Variants in CHORDC1 observed in about 807,000 individuals in gnomAD.
CHORDC1 encodes the protein cysteine and histidine rich domain containing 1.
A neutral mutation model predicts 48.3 loss-of-function variants in CHORDC1; 25 were observed. The ratio of observed to expected loss-of-function variants is 0.52; its 90% CI spans 0.38 to 0.72. CHORDC1 has a LOEUF of 0.72. Among genes scored for constraint, CHORDC1 ranks in the 30% least tolerant of loss-of-function variants. The pLI, the probability that CHORDC1 is intolerant of heterozygous loss-of-function variation, is 0.00. For missense variants in CHORDC1, 317 were observed against 388.7 expected (o/e 0.82, Z 1.55); for synonymous variants, 128 against 126.4 (o/e 1.01, Z -0.09).
At chr11:90,213,604 G>C in intron 4 of CHORDC1, 1 of 452,088 alleles carries the variant, frequency 2.2e-6, no homozygotes, top group Non-Finnish European at 3.9e-6. Flanking sequence ...TGAGATTAAC[G>C]GTAGTTTTCA....
At position 90,214,013 on chromosome 11, in the gene CHORDC1, T is replaced by A; in HGVS notation, c.329+5A>T. On this transcript the variant is annotated splice_donor_5th_base_variant and intron_variant, in intron 4 of 10. Coordinates refer to ENST00000320585, the MANE Select transcript of CHORDC1 (RefSeq NM_012124.3). ...GACAAAAATATGTAACTGTATAAAG[T>A]ATACCTTGGTCTTTTTATTGCTTCT... 6.2e-7 allele frequency: 1 copy of A among 1,608,384 alleles called. No individual in the cohort carries two copies. Among genetic ancestry groups the A allele is most frequent in the South Asian group, 1.1e-5 (1 of 90,216 alleles).
At chr11:90,219,935 G>A (rs962065799) in intron 1 of CHORDC1, among the ~76,000 whole-genome samples, 9 of 152,194 alleles carry the variant, frequency 5.9e-5, no homozygotes, top group Non-Finnish European at 1.3e-4. Flanking sequence ...AGTCTATTTA[G>A]CTTTCAATGC....
intron 8 of CHORDC1, 80 bp from the exon 9 acceptor site, chr11:90,203,507 A>G: frequency 1.5e-6 from 2 of 1,351,182 alleles, no homozygotes; most frequent in Non-Finnish European, 2.0e-6. Context: ...GACCCATCTG[A>G]GAAAAAACTA....
chr11:90,222,972 A>C lies in CHORDC1; in HGVS notation c.-18T>G, dbSNP rs772049002. 1.9e-6 allele frequency: 3 copies of C among 1,610,138 alleles called. No homozygotes were observed. In the African/African-American group the frequency reaches 4.0e-5, roughly 22 times the overall value. On this transcript the variant is annotated 5_prime_UTR_variant, in exon 1 of 11. Transcript: ENST00000320585. ...AAGGCCATTTTCTTTTCCCACCGTCACAGGCAAGGCCCAAACACCGGGAAC... is the reference window on the plus strand; with the variant it reads ...AAGGCCATTTTCTTTTCCCACCGTCCCAGGCAAGGCCCAAACACCGGGAAC...
chr11:90,210,856 G>T, intron 5 of CHORDC1: 1 of 383,796 alleles, frequency 2.6e-6, no homozygotes, highest in Non-Finnish European at 4.6e-6. Flanking sequence ...ATCATGAAAG[G>T]GTGTTTTCCT....
chr11:90,222,937 G>A lies in CHORDC1; in HGVS notation c.18C>T (p.Tyr6=). 29 of 1,614,144 alleles carry A rather than the reference G, an allele frequency of 1.8e-5. No homozygotes were observed. The highest frequency in any genetic ancestry group is 2.5e-5 in the Non-Finnish European group (29 of 1,179,954). The stretch of plus-strand genomic sequence containing the variant: ...CGAAGCGCTGACCGCAGCCCCGGTT[G>A]TAGCACAGCAAGGCCATTTTCTTTT... The part of the protein sequence containing the change: MALLC[Y]NRGCGQRFDP... The change falls in exon 1 of 11, where the codon TAC becomes TAT. Residue 6 remains tyrosine (Y), a synonymous_variant. Transcript: ENST00000320585.
intron 2 of CHORDC1, among the ~76,000 whole-genome samples, chr11:90,215,792 T>C (rs955034674): frequency 6.6e-6 from 1 of 152,056 alleles, no homozygotes; most frequent in South Asian, 2.1e-4. Flanking sequence ...TTGAACAAAC[T>C]ATCAAGTAGT....
intron 3 of CHORDC1, among the ~76,000 whole-genome samples, chr11:90,214,388 T>C (rs1857954525): frequency 1.3e-5 from 2 of 152,114 alleles, no homozygotes; most frequent in Non-Finnish European, 2.9e-5. Context: ...GAATTACACT[T>C]CATAAACATC....
At chr11:90,209,430 ATCTGTACTT>A (rs1229013884) in intron 6 of CHORDC1, 1 of 152,180 alleles carries the variant, frequency 6.6e-6, no homozygotes, top group Admixed American at 6.5e-5. Flanking sequence ...GTTCGGAACC[ATCTGTACTT>A]TCTGTACTTT....
At chr11:90,202,769 C>G in intron 10 of CHORDC1, 44 bp downstream of exon 10, 2 of 1,542,306 alleles carry the variant, frequency 1.3e-6, no homozygotes, top group Non-Finnish European at 1.8e-6. Context: ...TACAAATGAT[C>G]TAAGTTATCA....
At chr11:90,215,066 T>G in intron 3 of CHORDC1, 108 bp downstream of exon 3, 1 of 528,798 alleles carries the variant, frequency 1.9e-6, no homozygotes, top group Non-Finnish European at 3.3e-6. Flanking sequence ...TATCTGCAAG[T>G]TGATGAAGAC....
chr11:90,210,735 GAT>G (rs1291328751), intron 5 of CHORDC1, 141 bp from the exon 6 acceptor site: 2 of 606,312 alleles, frequency 3.3e-6, no homozygotes, highest in African/African-American at 3.7e-5. Context: ...TCCCCAAATT[GAT>G]ATATGACACA....
intron 8 of CHORDC1, among the ~76,000 whole-genome samples, chr11:90,204,728 GA>G (rs1857628909): frequency 6.6e-6 from 1 of 151,972 alleles, no homozygotes; most frequent in Non-Finnish European, 1.5e-5. Context: ...AAAAGTGGGG[GA>G]GGGGCAGCAA....
chr11:90,222,988 C>T lies in CHORDC1; in HGVS notation c.-34G>A, dbSNP rs776382939. Reference sequence around the variant, plus strand: ...CCCACCGTCACAGGCAAGGCCCAAACACCGGGAACGGCAAGAGGATGCGTT... The same window carrying T: ...CCCACCGTCACAGGCAAGGCCCAAATACCGGGAACGGCAAGAGGATGCGTT... On this transcript the variant is annotated 5_prime_UTR_variant, in exon 1 of 11. Transcript: ENST00000320585. 8 of 1,587,474 alleles carry T rather than the reference C, an allele frequency of 5.0e-6. No homozygotes were observed. Among genetic ancestry groups the T allele is most frequent in the Non-Finnish European group, 6.9e-6 (8 of 1,156,310 alleles).
intron 8 of CHORDC1, among the ~76,000 whole-genome samples, chr11:90,204,223 A>G (rs532842003): frequency 1.4e-3 from 206 of 152,316 alleles, no homozygotes; most frequent in Non-Finnish European, 1.7e-3. Flanking sequence ...AAAAAACAAG[A>G]GAAATTACAT....
At chr11:90,206,358 G>T in intron 6 of CHORDC1, 86 bp from the exon 7 acceptor site, 2 of 751,478 alleles carry the variant, frequency 2.7e-6, no homozygotes, top group South Asian at 1.5e-5. Flanking sequence ...TGACCTCTAC[G>T]AACTTTGCAA....
intron 4 of CHORDC1, chr11:90,213,295 T>C (rs1402527321): frequency 3.2e-6 from 2 of 617,152 alleles, no homozygotes; most frequent in African/African-American, 1.9e-5. Context: ...CATGAGTTCA[T>C]AGCATGAATA....
At chr11:90,218,491 A>T (rs1296573392) in intron 1 of CHORDC1, among the ~76,000 whole-genome samples, 2 of 152,190 alleles carry the variant, frequency 1.3e-5, no homozygotes, top group Non-Finnish European at 2.9e-5. Flanking sequence ...TCAAACCCCC[A>T]AATTTTGACC....
rs778098056 is a variant in CHORDC1 at position 90,211,302 on chromosome 11, T to C, written c.346A>G (p.Thr116Ala). 1.2e-6 allele frequency: 2 copies of C among 1,606,084 alleles called. No individual in the cohort carries two copies. The highest frequency in any genetic ancestry group is 1.3e-5 in the African/African-American group (1 of 74,834). Residue 116 changes from threonine to alanine, a missense_variant, in exon 5 of 11, where the codon ACA becomes GCA. Thr to Ala is a moderately conservative substitution (Grantham distance 58). Transcript: ENST00000320585. ...IKRPSPDEPM[T>A]NLELKISASL... Reference sequence around the variant, plus strand: ...GCAGATATTTTTAATTCCAAATTTGTCATTGGTTCATCTGGGCTGGAGAAT... The same window carrying C: ...GCAGATATTTTTAATTCCAAATTTGCCATTGGTTCATCTGGGCTGGAGAAT...
Sources: gnomAD v4.1 joint callset for allele counts (sites outside exome capture counted in the v4.1 genomes callset) on GRCh38, gnomAD v4.1.1 for gene constraint, MANE v1.5 for transcripts, NCBI Gene and HGNC (gene_info 2026-07-23, HGNC 2026-07-21) for gene names.